The following FHIT variants were observed in gnomAD, a reference collection of about 807,000 sequenced individuals.
FHIT encodes fragile histidine triad diadenosine triphosphatase, also known as bis(5'-adenosyl)-triphosphatase.
Under a neutral mutation model 17.9 loss-of-function variants are expected in FHIT, and 19 were observed. The observed-to-expected ratio is 1.06, with a 90% confidence interval of 0.74 to 1.56. The LOEUF is 1.56. Among genes scored for constraint, FHIT ranks in the 40% most tolerant of loss-of-function variants. FHIT has a pLI of 0.00. For synonymous variants in FHIT, 81 were observed against 69.7 expected (o/e 1.16, Z -0.81); for missense variants, 248 against 189.2 (o/e 1.31, Z -1.82).
chr3:60,868,786 C>A (rs1294162739), intron 3 of FHIT, among the ~76,000 whole-genome samples: 1 of 152,020 alleles, frequency 6.6e-6, no homozygotes, highest in African/African-American at 2.4e-5. Flanking sequence ...ATTCTCAAAG[C>A]GAAGCTCCAG....
In FHIT at chr3:60,123,967, A is replaced by AT. The variant is rs1705378774; in HGVS notation, c.104-109816_104-109815insA. On this transcript the variant is annotated intron_variant, in intron 5 of 9. Transcript: ENST00000492590. ...CTTCCATTAACAGAAATGCACTAAA[A>AT]ATATATATATATATATATATATATA... Among the ~76,000 whole-genome samples the AT allele has an allele frequency of 2.1e-3, 58 of 27,784 alleles. 3 individuals are homozygous for AT. Among genetic ancestry groups the AT allele is most frequent in the African/African-American group, 3.3e-3 (23 of 7,030 alleles). 18.2% of individuals were successfully genotyped at this position (27,784 alleles called of 152,430 possible). A position where few individuals can be genotyped will look rare whatever the true frequency, so the allele number is the denominator to read the frequency against.
chr3:60,451,368 G>T (rs893965311), intron 5 of FHIT, among the ~76,000 whole-genome samples: 1 of 151,930 alleles, frequency 6.6e-6, no homozygotes, highest in Non-Finnish European at 1.5e-5. Flanking sequence ...TCTTCTTTCA[G>T]ACCTTCTTCA....
chr3:60,060,624 A>C (rs1396991217), intron 5 of FHIT, among the ~76,000 whole-genome samples: 2 of 152,242 alleles, frequency 1.3e-5, no homozygotes, highest in African/African-American at 4.8e-5. Flanking sequence ...ATTTGGGAAG[A>C]AAGCAGCTTA....
At chr3:60,384,835 G>C (rs1028176002) in intron 5 of FHIT, among the ~76,000 whole-genome samples, 1 of 98,378 alleles carries the variant, frequency 1.0e-5, no homozygotes, top group Non-Finnish European at 1.8e-5. Context: ...TTTCACATTA[G>C]TAAAAAAAAA....
intron 5 of FHIT, among the ~76,000 whole-genome samples, chr3:60,332,144 TCAC>T (rs1710008611): frequency 6.6e-6 from 1 of 152,212 alleles, no homozygotes; most frequent in Non-Finnish European, 1.5e-5. Flanking sequence ...TATTTGGTAT[TCAC>T]AGCTACCCCA....
rs10553211 is a variant in FHIT, at chr3:60,504,430, C to CAAA, written c.103+32427_103+32429dup. Among the ~76,000 whole-genome samples the CAAA allele has an allele frequency of 3.4e-5, 5 of 146,122 alleles. No homozygotes were observed. In the East Asian group the frequency reaches 1.0e-3, roughly 30 times the overall value. On this transcript the variant is annotated intron_variant, in intron 5 of 9. Transcript: ENST00000492590. ...CTGGCGACAGAACGAGACCCCGTCT[C>CAAA]AAAAAAAAAAAAATTTTTTTTTTGG...
chr3:60,057,585 G>A (rs957062419), intron 5 of FHIT, among the ~76,000 whole-genome samples: 7 of 152,036 alleles, frequency 4.6e-5, no homozygotes, highest in Non-Finnish European at 8.8e-5. Flanking sequence ...TAATCCCATA[G>A]ATAGTTTTTT....
chr3:59,777,526 C>T (rs12486936), intron 8 of FHIT, among the ~76,000 whole-genome samples: 36,358 of 152,030 alleles, frequency 0.24, 4,690 homozygotes, highest in South Asian at 0.41. Context: ...CAAATTCTAC[C>T]TGCTTCCAAG....
intron 5 of FHIT, among the ~76,000 whole-genome samples, chr3:60,322,691 A>C (rs548998910): frequency 6.6e-6 from 1 of 152,232 alleles, no homozygotes; most frequent in Admixed American, 6.5e-5. Context: ...GGAAAAGATT[A>C]ATAAGTACAA....
chr3:60,912,258 T>A (rs540352144), intron 3 of FHIT, among the ~76,000 whole-genome samples: 1 of 152,206 alleles, frequency 6.6e-6, no homozygotes, highest in Non-Finnish European at 1.5e-5. Context: ...AGGTTTTTGA[T>A]TGAGCAGTGG....
At chr3:60,774,474 T>A (rs13088864) in intron 4 of FHIT, among the ~76,000 whole-genome samples, 1 of 151,846 alleles carries the variant, frequency 6.6e-6, no homozygotes, top group African/African-American at 2.4e-5. Context: ...CTAATTTTTG[T>A]ATTTTTAGTA....
At chr3:59,820,236 G>A (rs1306058525) in intron 8 of FHIT, among the ~76,000 whole-genome samples, 1 of 152,140 alleles carries the variant, frequency 6.6e-6, no homozygotes, top group Non-Finnish European at 1.5e-5. Flanking sequence ...AAGAACCCAG[G>A]ACTTGGATTT....
chr3:60,631,334 A>G (rs573597566), intron 4 of FHIT, among the ~76,000 whole-genome samples: 4 of 152,300 alleles, frequency 2.6e-5, no homozygotes, highest in South Asian at 2.1e-4. Flanking sequence ...TGAAACCACC[A>G]AAATCAAATA....
At chr3:61,080,727 A>G (rs1004761495) in intron 2 of FHIT, among the ~76,000 whole-genome samples, 12 of 152,262 alleles carry the variant, frequency 7.9e-5, no homozygotes, top group African/African-American at 2.9e-4. Context: ...ATTAGACTCA[A>G]TTATTTTTCT....
At chr3:60,564,736 G>T (rs986441909) in intron 4 of FHIT, among the ~76,000 whole-genome samples, 1 of 152,134 alleles carries the variant, frequency 6.6e-6, no homozygotes, top group Non-Finnish European at 1.5e-5. Flanking sequence ...ATGAGAAATT[G>T]CTTTTTATGG....
At chr3:59,845,766 T>C (rs1471400301) in intron 8 of FHIT, among the ~76,000 whole-genome samples, 2 of 152,176 alleles carry the variant, frequency 1.3e-5, no homozygotes, top group Non-Finnish European at 2.9e-5. Flanking sequence ...GGTAGAGTGT[T>C]TGGCATGTAT....
chr3:59,989,860 C>T (rs943478101), intron 7 of FHIT, among the ~76,000 whole-genome samples: 6 of 152,042 alleles, frequency 3.9e-5, no homozygotes, highest in Admixed American at 3.9e-4. Context: ...CGGAGATAGA[C>T]AGACAGATAA....
intron 5 of FHIT, among the ~76,000 whole-genome samples, chr3:60,210,637 A>G (rs569044444): frequency 6.6e-6 from 1 of 152,196 alleles, no homozygotes; most frequent in Non-Finnish European, 1.5e-5. Flanking sequence ...GGCCTTAAAC[A>G]TAAGAAAATA....
chr3:60,130,796 C>T (rs780731212), intron 5 of FHIT, among the ~76,000 whole-genome samples: 23,622 of 131,248 alleles, frequency 0.18, 2,818 homozygotes, highest in South Asian at 0.26. Flanking sequence ...TGTGTATATA[C>T]ACACATATAT....
Sources: allele counts gnomAD v4.1 joint callset (sites outside exome capture counted in the v4.1 genomes callset), GRCh38; gene constraint gnomAD v4.1.1; transcripts MANE v1.5; gene names NCBI Gene and HGNC (gene_info 2026-07-23, HGNC 2026-07-21).